Variants in DCC observed in about 807,000 individuals in gnomAD.
The protein encoded by DCC is netrin receptor DCC.
A neutral mutation model predicts 172.5 loss-of-function variants in DCC; 58 were observed. The observed-to-expected ratio is 0.34, with a 90% CI of 0.27 to 0.42. The LOEUF (loss-of-function observed/expected upper bound fraction) is 0.42. DCC is among the 10% of genes least tolerant of loss of function. The probability of loss-of-function intolerance (pLI) is 1.00; values close to 1 mark genes in which losing one functional copy is unlikely to be tolerated. For missense variants in DCC, 1,740 were observed against 1,791.0 expected, an observed-to-expected ratio of 0.97 and a Z score of 0.51; for synonymous variants, 709 against 644.5, an observed-to-expected ratio of 1.10 and a Z score of -1.52.
intron 12 of DCC, among the ~76,000 whole-genome samples, chr18:53,236,093 A>G (rs1467660063): frequency 6.6e-6 from 1 of 152,136 alleles, no homozygotes. Context: ...TGTCTCGTGT[A>G]GATATTTAGA....
intron 15 of DCC, among the ~76,000 whole-genome samples, chr18:53,377,352 TGAGA>T (rs59629030): frequency 0.011 from 1,462 of 137,352 alleles, 8 homozygotes; most frequent in Middle Eastern, 0.051. Flanking sequence ...AAGATGCATT[TGAGA>T]GAGAGAGAGA....
chr18:52,876,673 T>A (rs11873073), intron 2 of DCC, among the ~76,000 whole-genome samples: 1 of 152,228 alleles, frequency 6.6e-6, no homozygotes, highest in Non-Finnish European at 1.5e-5. Context: ...AATGTACTTA[T>A]GAAGCCCATA....
At chr18:52,905,995 T>C (rs753546541) in intron 2 of DCC, 49 bp from the exon 3 acceptor site, 33 of 1,210,976 alleles carry the variant, frequency 2.7e-5, no homozygotes, top group Non-Finnish European at 3.8e-5. Flanking sequence ...TTGGCGATTA[T>C]TGTGCTTTAT....
At chr18:53,271,521 A>T (rs1421968106) in intron 12 of DCC, among the ~76,000 whole-genome samples, 1 of 152,154 alleles carries the variant, frequency 6.6e-6, no homozygotes, top group Non-Finnish European at 1.5e-5. Flanking sequence ...TTCAAAGCTC[A>T]TACATTTGGC....
chr18:53,226,948 A>ATATATATATATATT, intron 12 of DCC, among the ~76,000 whole-genome samples: 2 of 52,948 alleles, frequency 3.8e-5, no homozygotes, highest in African/African-American at 9.4e-5. Flanking sequence ...ATATATATAT[A>ATATATATATATATT]TTTTTTTTTT....
chr18:52,785,600 A>G (rs1250498620), intron 2 of DCC, among the ~76,000 whole-genome samples: 2 of 152,000 alleles, frequency 1.3e-5, no homozygotes, highest in Non-Finnish European at 2.9e-5. Flanking sequence ...AGGTGTGTCC[A>G]TGTTTGTTTG....
intron 14 of DCC, among the ~76,000 whole-genome samples, chr18:53,330,785 A>T (rs780861195): frequency 6.6e-5 from 10 of 152,086 alleles, no homozygotes; most frequent in Non-Finnish European, 1.2e-4. Context: ...TTTAAAACTC[A>T]CTAGATGTTT....
At chr18:52,977,463 T>C (rs953581629) in intron 5 of DCC, among the ~76,000 whole-genome samples, 2 of 152,216 alleles carry the variant, frequency 1.3e-5, no homozygotes, top group African/African-American at 4.8e-5. Flanking sequence ...AGATTCTTCA[T>C]TGATCTCAGT....
At chr18:53,345,761 A>ATT (rs146002209) in intron 15 of DCC, among the ~76,000 whole-genome samples, 19 of 149,186 alleles carry the variant, frequency 1.3e-4, no homozygotes, top group Admixed American at 6.0e-4. Context: ...GCATTGACAG[A>ATT]TTTTTTTTTT....
At chr18:52,844,460 C>T (rs963989344) in intron 2 of DCC, among the ~76,000 whole-genome samples, 1 of 152,118 alleles carries the variant, frequency 6.6e-6, no homozygotes, top group Non-Finnish European at 1.5e-5. Context: ...GTATGTTTTC[C>T]ACACACATAG....
At chr18:53,397,284 CTT>C (rs760001319) in intron 17 of DCC, 22 bp from the exon 18 acceptor site, 30 of 1,608,960 alleles carry the variant, frequency 1.9e-5, no homozygotes, top group Non-Finnish European at 2.5e-5. Flanking sequence ...TTTTTTATCT[CTT>C]TGCTATTTCC....
At chr18:53,517,505 C>T (rs935569417) in intron 27 of DCC, among the ~76,000 whole-genome samples, 2 of 150,854 alleles carry the variant, frequency 1.3e-5, no homozygotes, top group Non-Finnish European at 3.0e-5. Context: ...ATGTCAATGC[C>T]CAATGTCAAG....
At chr18:52,560,712 G>A (rs1053315933) in intron 1 of DCC, among the ~76,000 whole-genome samples, 1 of 152,134 alleles carries the variant, frequency 6.6e-6, no homozygotes, top group East Asian at 1.9e-4. Flanking sequence ...AACTATTACT[G>A]TGCATGAACC....
intron 1 of DCC, among the ~76,000 whole-genome samples, chr18:52,415,086 C>T (rs1322652698): frequency 6.6e-6 from 1 of 152,166 alleles, no homozygotes; most frequent in Non-Finnish European, 1.5e-5. Flanking sequence ...GCCAGAATGG[C>T]TGAGATTTTT....
intron 2 of DCC, among the ~76,000 whole-genome samples, chr18:52,868,996 G>A (rs1158920429): frequency 1.3e-5 from 2 of 152,244 alleles, no homozygotes; most frequent in African/African-American, 4.8e-5. Context: ...GAATACTGGA[G>A]ATGGCAGGAA....
At chr18:52,385,952 A>T (rs963977231) in intron 1 of DCC, among the ~76,000 whole-genome samples, 8 of 152,178 alleles carry the variant, frequency 5.3e-5, no homozygotes, top group Non-Finnish European at 1.0e-4. Context: ...TGTCCCAGGG[A>T]TCATGCTGAG....
At chr18:53,415,053 C>T (rs189953036) in intron 20 of DCC, among the ~76,000 whole-genome samples, 8 of 152,254 alleles carry the variant, frequency 5.3e-5, no homozygotes, top group African/African-American at 7.2e-5. Flanking sequence ...TCAATATCTA[C>T]GTATTTCAGT....
At chr18:52,492,887 T>C (rs1448949642) in intron 1 of DCC, among the ~76,000 whole-genome samples, 1 of 152,048 alleles carries the variant, frequency 6.6e-6, no homozygotes, top group African/African-American at 2.4e-5. Flanking sequence ...GTTGTTACTA[T>C]GATAGCCAAT....
chr18:53,459,557 T>G, intron 24 of DCC, 99 bp downstream of exon 24: 1 of 796,790 alleles, frequency 1.3e-6, no homozygotes. Flanking sequence ...CTAATTTGCA[T>G]GTCATTATGG....
Sources: gnomAD v4.1 joint callset for allele counts (sites outside exome capture counted in the v4.1 genomes callset) on GRCh38, gnomAD v4.1.1 for gene constraint, MANE v1.5 for transcripts, NCBI Gene and HGNC (gene_info 2026-07-23, HGNC 2026-07-21) for gene names.